The following DCUN1D5 variants were observed in gnomAD, a reference collection of about 807,000 sequenced individuals.
DCUN1D5 encodes DCN1-like protein 5.
A neutral mutation model predicts 38.3 loss-of-function variants in DCUN1D5; 10 were observed. That is an observed-to-expected ratio of 0.26 (90% CI 0.16 to 0.44). The LOEUF (loss-of-function observed/expected upper bound fraction) is 0.44, where lower values mean the gene tolerates loss of function less well. Ranked by LOEUF, DCUN1D5 falls within the 20% of genes least tolerant of loss-of-function variation. The pLI, the probability that DCUN1D5 is intolerant of heterozygous loss-of-function variation, is 1.00. For synonymous variants in DCUN1D5, 93 were observed against 90.9 expected (o/e 1.02, Z -0.13); for missense variants, 148 against 275.3 (o/e 0.54, Z 3.27).
At chr11:103,082,442 T>C (rs537358314) in intron 4 of DCUN1D5, among the ~76,000 whole-genome samples, 1 of 152,032 alleles carries the variant, frequency 6.6e-6, no homozygotes, top group Non-Finnish European at 1.5e-5. Context: ...GAGAGGAAAA[T>C]CCTTATACTC....
Position 103,091,534 on chromosome 11 carries a change from C to T in DCUN1D5, c.86+253G>A, listed in dbSNP as rs1862866050. The T allele has an allele frequency of 1.9e-6, 1 of 528,882 alleles. No individual in the cohort carries two copies. Among genetic ancestry groups the T allele is most frequent in the Non-Finnish European group, 3.4e-6 (1 of 295,776 alleles). 32.8% of individuals were successfully genotyped at this position (528,882 alleles called of 1,614,324 possible). On this transcript the variant is annotated intron_variant, in intron 1 of 7. Coordinates refer to ENST00000260247, the MANE Select transcript of DCUN1D5 (RefSeq NM_032299.4). The surrounding 1 kb of genome is among the most constrained non-coding windows in gnomAD (Gnocchi z 4.3). ...AATTTACATATGCATCTGTTCCCCA[C>T]CCTGCAGGGCACGTAGACTCTTAAC...
chr11:103,057,109 T>G lies in DCUN1D5; in HGVS notation c.*5250A>C, dbSNP rs1271038561. On this transcript the variant is annotated 3_prime_UTR_variant, in exon 8 of 8. Transcript: ENST00000260247. The surrounding 1 kb of genome is among the most constrained non-coding windows in gnomAD (Gnocchi z 4.8). ...CATAGTTTCAGGGAATAATGTAAAT[T>G]TCAAATAGGTAAGATTTCTACATTT... Among the ~76,000 whole-genome samples, 1 of 152,186 alleles carries G rather than the reference T, an allele frequency of 6.6e-6. No homozygotes were observed. The highest frequency in any genetic ancestry group is 1.5e-5 in the Non-Finnish European group (1 of 68,038).
In DCUN1D5 at chr11:103,092,075, G is replaced by A; in HGVS notation, c.-203C>T. The A allele has an allele frequency of 1.8e-6, 1 of 571,282 alleles. No individual in the cohort carries two copies. The highest frequency in any genetic ancestry group is 3.2e-5 in the Admixed American group (1 of 30,948). 35.4% of individuals were successfully genotyped at this position (571,282 alleles called of 1,614,324 possible). On this transcript the variant is annotated 5_prime_UTR_variant, in exon 1 of 8. Transcript: ENST00000260247. The stretch of plus-strand genomic sequence containing the variant: ...GTCTTTCTCTGACCGGGACAGGGCT[G>A]GCTCCTCGCCGGTGGACACTGCGGT...
intron 4 of DCUN1D5, among the ~76,000 whole-genome samples, chr11:103,067,003 G>A (rs1277368993): frequency 2.0e-5 from 3 of 152,154 alleles, no homozygotes; most frequent in East Asian, 3.8e-4. Flanking sequence ...TTAGTCATGA[G>A]TAGTTTTAAA....
At chr11:103,084,716 G>A (rs895658493) in intron 2 of DCUN1D5, among the ~76,000 whole-genome samples, 2 of 152,122 alleles carry the variant, frequency 1.3e-5, no homozygotes, top group African/African-American at 4.8e-5. Flanking sequence ...AGGCCCAGGC[G>A]CGGTGGCTCA....
intron 2 of DCUN1D5, among the ~76,000 whole-genome samples, chr11:103,085,177 C>T (rs966003310): frequency 2.0e-5 from 3 of 151,574 alleles, no homozygotes; most frequent in African/African-American, 7.3e-5. Context: ...CAGTGGCTCA[C>T]GCCTGTAATC....
chr11:103,088,223 G>A (rs1319252144), intron 2 of DCUN1D5, among the ~76,000 whole-genome samples: 1 of 151,752 alleles, frequency 6.6e-6, no homozygotes, highest in South Asian at 2.1e-4. Context: ...TAATGTGGAT[G>A]AGCACTAAAT....
chr11:103,091,154 G>A lies in DCUN1D5; in HGVS notation c.86+633C>T, dbSNP rs984484929. ...CTGAATGCTAGAAGACAAAAAGCATGCAGGGCCTTTCCAACTCTGCACACA... is the reference window on the plus strand; with the variant it reads ...CTGAATGCTAGAAGACAAAAAGCATACAGGGCCTTTCCAACTCTGCACACA... On this transcript the variant is annotated intron_variant, in intron 1 of 7. Transcript: ENST00000260247. The surrounding 1 kb of genome is among the most constrained non-coding windows in gnomAD (Gnocchi z 4.3). 6.6e-6 allele frequency among the ~76,000 whole-genome samples: 1 copy of A among 152,206 alleles called. No homozygotes were observed. The highest frequency in any genetic ancestry group is 1.9e-4 in the East Asian group (1 of 5,166).
intron 4 of DCUN1D5, among the ~76,000 whole-genome samples, chr11:103,074,437 TCTCG>T (rs1862357488): frequency 6.6e-6 from 1 of 152,128 alleles, no homozygotes; most frequent in Non-Finnish European, 1.5e-5. Context: ...TGAGATTGAG[TCTCG>T]CTCTGTCCCC....
At position 103,087,919 on chromosome 11, in the gene DCUN1D5, A is replaced by G. The variant is rs1261087619; in HGVS notation, c.178+1308T>C. 6.6e-6 allele frequency among the ~76,000 whole-genome samples: 1 copy of G among 152,180 alleles called. No homozygotes were observed. Among genetic ancestry groups the G allele is most frequent in the Non-Finnish European group, 1.5e-5 (1 of 68,026 alleles). On this transcript the variant is annotated intron_variant, in intron 2 of 7. Transcript: ENST00000260247. This position sits in a 1 kb window ranked among gnomAD's most constrained non-coding sequence, Gnocchi z 4.1. ...GTGACCTTTTGATTATATATCATTC[A>G]TACCAGTAAAACTGGCATTTGGGAT... is the stretch of plus-strand genomic sequence containing the variant.
Position 103,069,759 on chromosome 11 carries a change from T to C in DCUN1D5, c.342-3192A>G, listed in dbSNP as rs546658244. Among the ~76,000 whole-genome samples the C allele has an allele frequency of 2.6e-5, 4 of 152,322 alleles. No individual in the cohort carries two copies. The South Asian group carries it at 8.3e-4, about 32-fold the overall frequency. On this transcript the variant is annotated intron_variant, in intron 4 of 7. Transcript: ENST00000260247. ...AGGGATATCCTTCCTTAGATGTTAA[T>C]GAATGCAGAGTAGAAAATTCAATTT... is the stretch of plus-strand genomic sequence containing the variant.
In DCUN1D5 at chr11:103,065,620, A is replaced by G. The variant is rs1350350401; in HGVS notation, c.555+649T>C. On this transcript the variant is annotated intron_variant, in intron 6 of 7. Coordinates refer to ENST00000260247, the MANE Select transcript of DCUN1D5 (RefSeq NM_032299.4). The surrounding 1 kb of genome is among the most constrained non-coding windows in gnomAD (Gnocchi z 4.6). ...TAGAATTACAAAGGCACAAAAACAG[A>G]TTTAAAAAAAAAAAACTAGACAAAG... Among the ~76,000 whole-genome samples, 1 of 151,878 alleles carries G rather than the reference A, an allele frequency of 6.6e-6. No homozygotes were observed.
rs1862697582 is a variant in DCUN1D5 at position 103,086,045 on chromosome 11, G to A, written c.179-2719C>T. Among the ~76,000 whole-genome samples, 1 of 152,080 alleles carries A rather than the reference G, an allele frequency of 6.6e-6. No individual in the cohort carries two copies. ...CAGCCTTATCACACATAATACCATA[G>A]TAACAAGTTTAGTGATATTTTCAAA... On this transcript the variant is annotated intron_variant, in intron 2 of 7. Coordinates refer to ENST00000260247, the MANE Select transcript of DCUN1D5 (RefSeq NM_032299.4). The surrounding 1 kb of genome is among the most constrained non-coding windows in gnomAD (Gnocchi z 4.1).
At chr11:103,089,991 G>T (rs1372121245) in intron 1 of DCUN1D5, among the ~76,000 whole-genome samples, 4 of 151,764 alleles carry the variant, frequency 2.6e-5, no homozygotes, top group Non-Finnish European at 4.4e-5. Context: ...CTAAAATTTG[G>T]TAAGTTCAAA....
Position 103,051,034 on chromosome 11 carries a change from C to A in DCUN1D5, c.*11325G>T, listed in dbSNP as rs1186614388. 6.6e-6 allele frequency: 1 copy of A among 152,166 alleles called. No individual in the cohort carries two copies. The highest frequency in any genetic ancestry group is 1.5e-5 in the Non-Finnish European group (1 of 68,030). 9.4% of individuals were successfully genotyped at this position (152,166 alleles called of 1,614,324 possible). On this transcript the variant is annotated 3_prime_UTR_variant, in exon 8 of 8. Coordinates refer to ENST00000260247, the MANE Select transcript of DCUN1D5 (RefSeq NM_032299.4). ...GGCATTCCAGAGACAAAGAAAGGTG[C>A]TGCAACTTCTGGACATAAAGAAGTT...
chr11:103,079,518 C>A (rs1253077103), intron 4 of DCUN1D5, among the ~76,000 whole-genome samples: 1 of 152,078 alleles, frequency 6.6e-6, no homozygotes, highest in Non-Finnish European at 1.5e-5. Flanking sequence ...ATCACTTGAG[C>A]CCAGGAGTTT....
chr11:103,056,416 C>T lies in DCUN1D5; in HGVS notation c.*5943G>A, dbSNP rs1861873695. 6.6e-6 allele frequency among the ~76,000 whole-genome samples: 1 copy of T among 152,140 alleles called. No individual in the cohort carries two copies. Among genetic ancestry groups the T allele is most frequent in the Non-Finnish European group, 1.5e-5 (1 of 68,024 alleles). On this transcript the variant is annotated 3_prime_UTR_variant, in exon 8 of 8. Coordinates refer to ENST00000260247, the MANE Select transcript of DCUN1D5 (RefSeq NM_032299.4). The surrounding 1 kb of genome is among the most constrained non-coding windows in gnomAD (Gnocchi z 4.9). ...TGTAATATTCCTTCTGCCTGGAATGCTCTCCTCCCAGATATCCACACTGCA... is the reference window on the plus strand; with the variant it reads ...TGTAATATTCCTTCTGCCTGGAATGTTCTCCTCCCAGATATCCACACTGCA...
Position 103,054,376 on chromosome 11 carries a change from T to G in DCUN1D5, c.*7983A>C, listed in dbSNP as rs1158152215. The stretch of plus-strand genomic sequence containing the variant: ...AATAAGTTTTTTCAAAGGCCCCAAT[T>G]CCCTGACCGTTTTCTTATTTTTCTC... On this transcript the variant is annotated 3_prime_UTR_variant, in exon 8 of 8. Coordinates refer to ENST00000260247, the MANE Select transcript of DCUN1D5 (RefSeq NM_032299.4). 6.6e-6 allele frequency: 1 copy of G among 152,138 alleles called. No homozygotes were observed. The highest frequency in any genetic ancestry group is 1.5e-5 in the Non-Finnish European group (1 of 67,996). The allele number at this position is 152,138 out of a possible 1,614,324, so 9.4% of individuals were successfully genotyped here. A position where few individuals can be genotyped will look rare whatever the true frequency, so the allele number is the denominator to read the frequency against.
rs180935013 is a variant in DCUN1D5 at position 103,070,775 on chromosome 11, T to G, written c.342-4208A>C. 1.7e-3 allele frequency among the ~76,000 whole-genome samples: 262 copies of G among 152,274 alleles called. 2 individuals carry two copies. Among genetic ancestry groups the G allele is most frequent in the African/African-American group, 6.1e-3 (254 of 41,576 alleles). On this transcript the variant is annotated intron_variant, in intron 4 of 7. Transcript: ENST00000260247. ...TTCGAAGACAACAGAATACACATTC[T>G]TTTCAAGTGCCCACAAAACATAAAA...
Sources: gnomAD v4.1 joint callset for allele counts (sites outside exome capture counted in the v4.1 genomes callset) on GRCh38, gnomAD v4.1.1 for gene constraint, Gnocchi (gnomAD v3.1) non-coding constraint, MANE v1.5 for transcripts, NCBI Gene and HGNC (gene_info 2026-07-23, HGNC 2026-07-21) for gene names.